CDH8: variants seen among roughly 807,000 people sequenced by gnomAD.
The protein encoded by CDH8 is cadherin 8, also known as cadherin-8.
CDH8 carries 17 observed loss-of-function variants against 68.1 expected under a neutral mutation model. The ratio of observed to expected loss-of-function variants is 0.25; its 90% CI spans 0.17 to 0.37. CDH8 has a LOEUF of 0.37. CDH8 is among the 10% of genes least tolerant of loss of function. CDH8 has a pLI of 1.00. For missense variants in CDH8, 763 were observed against 999.3 expected (o/e 0.76, Z 3.19); for synonymous variants, 372 against 365.1 (o/e 1.02, Z -0.21).
intron 8 of CDH8, among the ~76,000 whole-genome samples, chr16:61,762,240 G>C (rs1583000): frequency 1.1e-4 from 17 of 152,036 alleles, no homozygotes; most frequent in African/African-American, 3.9e-4. Flanking sequence ...GGACAATTGG[G>C]GCTATCTGAA....
chr16:61,732,597 G>C (rs1452576795), intron 8 of CDH8, among the ~76,000 whole-genome samples: 1 of 151,648 alleles, frequency 6.6e-6, no homozygotes, highest in Non-Finnish European at 1.5e-5. Context: ...GTTCCTAGTA[G>C]AATCCCTGCT....
intron 7 of CDH8, among the ~76,000 whole-genome samples, chr16:61,799,171 T>C (rs1194733889): frequency 1.3e-5 from 2 of 152,150 alleles, no homozygotes; most frequent in Non-Finnish European, 2.9e-5. Flanking sequence ...AATCTACAAG[T>C]GAAGAGAATC....
intron 8 of CDH8, among the ~76,000 whole-genome samples, chr16:61,748,736 G>A (rs1567452370): frequency 6.6e-6 from 1 of 151,852 alleles, no homozygotes; most frequent in Non-Finnish European, 1.5e-5. Context: ...TTCTCCCAAT[G>A]ACCAATCCTG....
intron 8 of CDH8, among the ~76,000 whole-genome samples, chr16:61,750,330 G>C (rs2142945713): frequency 6.6e-6 from 1 of 152,240 alleles, no homozygotes; most frequent in Non-Finnish European, 1.5e-5. Flanking sequence ...GGGTAAGACA[G>C]TGGGAGAGTG....
At chr16:61,893,292 A>G (rs924595026) in intron 3 of CDH8, among the ~76,000 whole-genome samples, 6 of 152,136 alleles carry the variant, frequency 3.9e-5, no homozygotes, top group South Asian at 2.1e-4. Flanking sequence ...TGTGACCTCA[A>G]TTTAACTAAT....
At chr16:62,025,441 C>A (rs1902176237) in intron 1 of CDH8, among the ~76,000 whole-genome samples, 1 of 152,040 alleles carries the variant, frequency 6.6e-6, no homozygotes, top group Non-Finnish European at 1.5e-5. Flanking sequence ...GTGTGAGGGG[C>A]AACTGAGTGC....
At chr16:61,726,995 G>A in intron 9 of CDH8, 99 bp downstream of exon 9, 1 of 1,278,022 alleles carries the variant, frequency 7.8e-7, no homozygotes, top group South Asian at 1.3e-5. Flanking sequence ...AGACTTTGCA[G>A]ATCATAAATG....
At chr16:62,021,729 T>C (rs920349351) in intron 1 of CDH8, 127 bp from the exon 2 acceptor site, 8 of 429,070 alleles carry the variant, frequency 1.9e-5, no homozygotes, top group Admixed American at 4.3e-5. Context: ...GTTAAGAAAG[T>C]GGATCTGAAG....
chr16:62,003,508 G>A lies in CDH8; in HGVS notation c.252+17644C>T, dbSNP rs1341080566. 4.7e-5 allele frequency among the ~76,000 whole-genome samples: 7 copies of A among 149,938 alleles called. No individual in the cohort carries two copies. The East Asian group carries it at 8.1e-4, about 17-fold the overall frequency. On this transcript the variant is annotated intron_variant, in intron 2 of 11. Transcript: ENST00000577390. ...TGGTGGTGATTTTATACTTGTATGC[G>A]TGAACAGTTTGTAATGCCTGACTGT...
At chr16:61,728,038 T>G (rs1281276350) in intron 8 of CDH8, among the ~76,000 whole-genome samples, 1 of 151,092 alleles carries the variant, frequency 6.6e-6, no homozygotes, top group Non-Finnish European at 1.5e-5. Context: ...TGACTTTGAC[T>G]GTACCATGTA....
chr16:61,654,878 T>C (rs975511388), intron 11 of CDH8, among the ~76,000 whole-genome samples: 2 of 152,230 alleles, frequency 1.3e-5, no homozygotes, highest in Non-Finnish European at 2.9e-5. Context: ...ATTTTCCTAC[T>C]GTATAATCGC....
chr16:61,807,810 G>T (rs1404751887), intron 7 of CDH8, among the ~76,000 whole-genome samples: 1 of 152,182 alleles, frequency 6.6e-6, no homozygotes, highest in Non-Finnish European at 1.5e-5. Flanking sequence ...GAAACTACTA[G>T]TTTGGGCCAA....
At chr16:61,779,845 G>A (rs1404127336) in intron 8 of CDH8, among the ~76,000 whole-genome samples, 12 of 152,088 alleles carry the variant, frequency 7.9e-5, no homozygotes, top group Non-Finnish European at 1.3e-4. Flanking sequence ...CAGAAAAACC[G>A]TTTCGTTCAC....
chr16:61,864,142 G>T (rs1963206419), intron 3 of CDH8, among the ~76,000 whole-genome samples: 1 of 152,148 alleles, frequency 6.6e-6, no homozygotes, highest in African/African-American at 2.4e-5. Context: ...AGAAGTAGAA[G>T]CTTCTGGTCC....
intron 10 of CDH8, among the ~76,000 whole-genome samples, chr16:61,680,779 C>T (rs1963998538): frequency 6.6e-6 from 1 of 151,832 alleles, no homozygotes. Context: ...GGATTTAATA[C>T]CATTTGCTTA....
Position 61,817,539 on chromosome 16 carries a change from A to G in CDH8, c.1217T>C (p.Leu406Pro), listed in dbSNP as rs758903938. 1.2e-5 allele frequency: 19 copies of G among 1,613,972 alleles called. No homozygotes were observed. Among genetic ancestry groups the G allele is most frequent in the Non-Finnish European group, 1.4e-5 (16 of 1,179,918 alleles). Reference sequence around the variant, plus strand: ...AGTCACTTGCCCAATCACGGAGTTTAGAGCAGCATTTTCATGAACTTCAAG... The same window carrying G: ...AGTCACTTGCCCAATCACGGAGTTTGGAGCAGCATTTTCATGAACTTCAAG... ...YLLEVHENAA[L>P]NSVIGQVTAR... Residue 406 changes from leucine to proline, a missense_variant, in exon 7 of 12, where the codon CTA becomes CCA. Physicochemically the swap from Leu to Pro is moderately conservative, Grantham distance 98 (BLOSUM62 -3). Coordinates refer to ENST00000577390, the MANE Select transcript of CDH8 (RefSeq NM_001796.5).
At chr16:62,019,756 CAT>C (rs1243936100) in intron 2 of CDH8, among the ~76,000 whole-genome samples, 1 of 152,130 alleles carries the variant, frequency 6.6e-6, no homozygotes, top group African/African-American at 2.4e-5. Flanking sequence ...TTGTTTCATA[CAT>C]ATATATTTGT....
intron 8 of CDH8, among the ~76,000 whole-genome samples, chr16:61,775,506 T>A (rs979794884): frequency 3.9e-5 from 6 of 152,116 alleles, no homozygotes; most frequent in Non-Finnish European, 7.4e-5. Flanking sequence ...ATGACACTTC[T>A]CTAGCCCTTC....
At position 61,817,570 on chromosome 16, in the gene CDH8, A is replaced by G; in HGVS notation, c.1186T>C (p.Tyr396His). ...DEPPVFSSPT[Y>H]LLEVHENAAL... is the part of the protein sequence containing the mutation. Reference sequence around the variant, plus strand: ...GCATTTTCATGAACTTCAAGTAGGTAAGTCGGTGAAGAGAAGACCGGAGGC... The same window carrying G: ...GCATTTTCATGAACTTCAAGTAGGTGAGTCGGTGAAGAGAAGACCGGAGGC... The change falls in exon 7 of 12, where the codon TAC (tyrosine) becomes CAC (histidine). Residue 396 changes from tyrosine (Y) to histidine (H), a missense_variant. Around this residue, in one of 2 missense-constraint regions of CDH8, gnomAD observed 366 missense variants for 563.1 expected, o/e 0.65. Coordinates refer to ENST00000577390, the MANE Select transcript of CDH8 (RefSeq NM_001796.5). 6.2e-7 allele frequency: 1 copy of G among 1,614,008 alleles called. No homozygotes were observed. The highest frequency in any genetic ancestry group is 8.5e-7 in the Non-Finnish European group (1 of 1,179,956).
Sources: allele counts gnomAD v4.1 joint callset (sites outside exome capture counted in the v4.1 genomes callset), GRCh38; gene constraint gnomAD v4.1.1; regional missense constraint gnomAD v4.1.1; transcripts MANE v1.5; gene names NCBI Gene and HGNC (gene_info 2026-07-23, HGNC 2026-07-21).